Variants in CAV1 observed in about 807,000 individuals in gnomAD.
The protein encoded by CAV1 is caveolin 1.
CAV1 carries 10 observed loss-of-function variants against 16.5 expected under a neutral mutation model. That is an observed-to-expected ratio of 0.61 (90% CI 0.37 to 1.03). CAV1 has a LOEUF of 1.03. CAV1 is among the 50% of genes least tolerant of loss of function. The probability of loss-of-function intolerance (pLI) is 0.01; values close to 1 mark genes in which losing one functional copy is unlikely to be tolerated. For missense variants in CAV1, 212 were observed against 232.8 expected, an observed-to-expected ratio of 0.91 and a Z score of 0.58; for synonymous variants, 76 against 85.1, an observed-to-expected ratio of 0.89 and a Z score of 0.59.
Position 116,541,522 on chromosome 7 carries a change from G to A in CAV1, c.195+14833G>A, listed in dbSNP as rs146440245. Among the ~76,000 whole-genome samples, 255 of 152,274 alleles carry A rather than the reference G, an allele frequency of 1.7e-3. 2 individuals carry two copies. Among genetic ancestry groups the A allele is most frequent in the African/African-American group, 5.8e-3 (242 of 41,566 alleles). ...TCCCAGCACTTTGGGAGGCCAAGGT[G>A]GATAGATGACTTGAGCCCAGAAGCT... On this transcript the variant is annotated intron_variant, in intron 2 of 2. Coordinates refer to ENST00000341049, the MANE Select transcript of CAV1 (RefSeq NM_001753.5).
At chr7:116,549,965 A>C (rs1233090695) in intron 2 of CAV1, among the ~76,000 whole-genome samples, 1 of 152,210 alleles carries the variant, frequency 6.6e-6, no homozygotes, top group African/African-American at 2.4e-5. Context: ...AGGACTTTAC[A>C]AAAGACGTAG....
At chr7:116,535,544 A>G (rs968804712) in intron 2 of CAV1, among the ~76,000 whole-genome samples, 1 of 152,236 alleles carries the variant, frequency 6.6e-6, no homozygotes, top group Non-Finnish European at 1.5e-5. Flanking sequence ...AGTCCAGGAA[A>G]CATAAAATGG....
intron 2 of CAV1, among the ~76,000 whole-genome samples, chr7:116,528,807 T>TTTTTTA (rs1313071657): frequency 6.6e-6 from 1 of 151,924 alleles, no homozygotes; most frequent in African/African-American, 2.4e-5. Context: ...AACATAGACT[T>TTTTTTA]TTTTTATTTT....
chr7:116,536,682 G>A (rs549078972), intron 2 of CAV1, among the ~76,000 whole-genome samples: 16 of 152,268 alleles, frequency 1.1e-4, no homozygotes, highest in Non-Finnish European at 2.2e-4. Flanking sequence ...AGGCCACAGC[G>A]ACCCACAGAG....
chr7:116,531,087 A>G (rs536206999), intron 2 of CAV1, among the ~76,000 whole-genome samples: 1 of 152,348 alleles, frequency 6.6e-6, no homozygotes, highest in East Asian at 1.9e-4. Flanking sequence ...CTGGCCTCCA[A>G]TTCCTCTTTT....
In CAV1 at chr7:116,546,976, T is replaced by A. The variant is rs924095964; in HGVS notation, c.196-11970T>A. On this transcript the variant is annotated intron_variant, in intron 2 of 2. Coordinates refer to ENST00000341049, the MANE Select transcript of CAV1 (RefSeq NM_001753.5). ...AAGGCCTTCCTTGTCTCTCCTAGTT[T>A]CTGGTGGTTTGCTGGCAATGTTTGG... 3.3e-5 allele frequency among the ~76,000 whole-genome samples: 5 copies of A among 152,182 alleles called. No homozygotes were observed. In the East Asian group the frequency reaches 9.6e-4, roughly 29 times the overall value.
At chr7:116,544,159 GAATT>G (rs1345157533) in intron 2 of CAV1, among the ~76,000 whole-genome samples, 1 of 152,152 alleles carries the variant, frequency 6.6e-6, no homozygotes, top group Non-Finnish European at 1.5e-5. Flanking sequence ...AGCAAAAATT[GAATT>G]AATTTGTCTT....
At chr7:116,542,495 A>G (rs1793961409) in intron 2 of CAV1, among the ~76,000 whole-genome samples, 1 of 152,156 alleles carries the variant, frequency 6.6e-6, no homozygotes, top group Admixed American at 6.5e-5. Context: ...TAATAATTAA[A>G]CACTTTATCA....
rs1379308319 is a variant in CAV1 at position 116,558,923 on chromosome 7, G to A, written c.196-23G>A. ...CTCTTTTCTTCTATTCTGTGCTCAT[G>A]TTGTGTCACTTCTTCCTTTTAGATT... On this transcript the variant is annotated intron_variant, in intron 2 of 2. Coordinates refer to ENST00000341049, the MANE Select transcript of CAV1 (RefSeq NM_001753.5). 7.7e-6 allele frequency: 12 copies of A among 1,550,916 alleles called. No homozygotes were observed. In the Admixed American group the frequency reaches 1.7e-4, roughly 22 times the overall value.
chr7:116,554,190 A>C (rs563690693), intron 2 of CAV1, among the ~76,000 whole-genome samples: 53 of 152,332 alleles, frequency 3.5e-4, no homozygotes, highest in South Asian at 6.2e-4. Flanking sequence ...AACTCCCTTA[A>C]ATACAAAGAC....
At chr7:116,533,208 C>T (rs542343960) in intron 2 of CAV1, among the ~76,000 whole-genome samples, 7 of 151,736 alleles carry the variant, frequency 4.6e-5, no homozygotes, top group Non-Finnish European at 1.0e-4. Flanking sequence ...GGTGTGGTAG[C>T]GCGTGTTTAA....
chr7:116,538,123 A>T (rs1157890736), intron 2 of CAV1, among the ~76,000 whole-genome samples: 1 of 152,170 alleles, frequency 6.6e-6, no homozygotes, highest in Non-Finnish European at 1.5e-5. Flanking sequence ...TAAGGTTCTC[A>T]ATTTGCCTGC....
At position 116,559,789 on chromosome 7, in the gene CAV1, C is replaced by T; in HGVS notation, c.*502C>T. 2.4e-6 allele frequency: 1 copy of T among 414,764 alleles called. No individual in the cohort carries two copies. The highest frequency in any genetic ancestry group is 4.2e-6 in the Non-Finnish European group (1 of 236,064). The allele number at this position is 414,764 out of a possible 1,614,324, so 25.7% of individuals were successfully genotyped here. A position where few individuals can be genotyped will look rare whatever the true frequency, so the allele number is the denominator to read the frequency against. On this transcript the variant is annotated 3_prime_UTR_variant, in exon 3 of 3. Transcript: ENST00000341049. ...GGAGTTAGTGGATTACTGCCATTCA[C>T]TTCATAATCCAGTAGGATCCAGTGA...
chr7:116,540,932 G>C (rs1045237671), intron 2 of CAV1, among the ~76,000 whole-genome samples: 4 of 152,276 alleles, frequency 2.6e-5, no homozygotes, highest in African/African-American at 9.6e-5. Flanking sequence ...TAATTCCACA[G>C]TTCCAAGGGG....
Position 116,559,928 on chromosome 7 carries a change from A to G in CAV1, c.*641A>G. On this transcript the variant is annotated 3_prime_UTR_variant, in exon 3 of 3. Transcript: ENST00000341049. ...CTGTGCCTGAATATTTGTTATGTAG[A>G]TAACAAGACCTCAGTGCCTTCCTGT... 2.5e-6 allele frequency: 1 copy of G among 398,832 alleles called. No individual in the cohort carries two copies. The highest frequency in any genetic ancestry group is 4.4e-6 in the Non-Finnish European group (1 of 226,148). 24.7% of individuals were successfully genotyped at this position (398,832 alleles called of 1,614,324 possible).
chr7:116,530,397 A>T (rs1372708139), intron 2 of CAV1, among the ~76,000 whole-genome samples: 4 of 152,182 alleles, frequency 2.6e-5, no homozygotes, highest in Non-Finnish European at 4.4e-5. Context: ...TATAATATAT[A>T]TGATAAGGAA....
intron 2 of CAV1, among the ~76,000 whole-genome samples, chr7:116,533,367 TAAAATAAAATAAAATAAAATAA>T (rs1329993122): frequency 4.6e-5 from 3 of 64,586 alleles, no homozygotes; most frequent in Admixed American, 1.5e-4. Context: ...TAAAATAAAA[TAAAATAAAATAAAATAAAATAA>T]AATAAAATAA....
Position 116,559,061 on chromosome 7 carries a change from C to G in CAV1, c.311C>G (p.Ser104Cys). 6.2e-7 allele frequency: 1 copy of G among 1,613,904 alleles called. No individual in the cohort carries two copies. Among genetic ancestry groups the G allele is most frequent in the South Asian group, 1.1e-5 (1 of 91,080 alleles). ...VTKYWFYRLLSALFGIPMALI... is the reference protein window; with the variant it reads ...VTKYWFYRLLCALFGIPMALI... ...AAATACTGGTTTTACCGCTTGCTGT[C>G]TGCCCTCTTTGGCATCCCGATGGCA... Residue 104 changes from serine (S) to cysteine (C), a missense_variant, in exon 3 of 3, where the codon TCT (serine) becomes TGT (cysteine). Transcript: ENST00000341049.
intron 2 of CAV1, among the ~76,000 whole-genome samples, chr7:116,554,022 G>A (rs1189999677): frequency 3.4e-4 from 51 of 152,182 alleles, no homozygotes; most frequent in Non-Finnish European, 1.5e-5. Flanking sequence ...ATCCTGTGCT[G>A]CCATAAAATG....
Sources: allele counts gnomAD v4.1 joint callset (sites outside exome capture counted in the v4.1 genomes callset), GRCh38; gene constraint gnomAD v4.1.1; transcripts MANE v1.5; gene names NCBI Gene and HGNC (gene_info 2026-07-23, HGNC 2026-07-21).